Variants in SLC25A42 observed in about 807,000 individuals in gnomAD.
SLC25A42 encodes solute carrier family 25 member 42, also known as mitochondrial coenzyme A transporter SLC25A42.
A neutral mutation model predicts 34.7 loss-of-function variants in SLC25A42; 19 were observed. The observed-to-expected ratio is 0.55, with a 90% confidence interval of 0.38 to 0.80. The LOEUF is 0.80. SLC25A42 is among the 30% of genes least tolerant of loss of function. The pLI is 0.00. For missense variants in SLC25A42, 364 were observed against 441.3 expected (o/e 0.82, Z 1.57); for synonymous variants, 205 against 191.2 (o/e 1.07, Z -0.59).
intron 2 of SLC25A42, 41 bp downstream of exon 2, chr19:19,096,246 C>A (rs1181477831): frequency 6.6e-7 from 1 of 1,514,020 alleles, no homozygotes; most frequent in Non-Finnish European, 9.1e-7. Flanking sequence ...TCTCCTGGGG[C>A]CCCAGCCTCC....
At chr19:19,077,390 C>T (rs967691723) in intron 1 of SLC25A42, among the ~76,000 whole-genome samples, 1 of 152,192 alleles carries the variant, frequency 6.6e-6, no homozygotes, top group Non-Finnish European at 1.5e-5. Flanking sequence ...CCCCTGGCAC[C>T]TGCCATTCTA....
At position 19,101,667 on chromosome 19, in the gene SLC25A42, G is replaced by C. The variant is rs555989712; in HGVS notation, c.82-114G>C. 1.2e-4 allele frequency: 102 copies of C among 860,308 alleles called. No homozygotes were observed. The South Asian group carries it at 1.6e-3, about 13-fold the overall frequency. The allele number at this position is 860,308 out of a possible 1,614,324, so 53.3% of individuals were successfully genotyped here. ...CAAGCAAGGCCAACATACTCAGGGTGGGGTACATCCCTCGGCCCCGGCCCA... is the reference window on the plus strand; with the variant it reads ...CAAGCAAGGCCAACATACTCAGGGTCGGGTACATCCCTCGGCCCCGGCCCA... On this transcript the variant is annotated intron_variant, in intron 2 of 7. Transcript: ENST00000318596.
intron 1 of SLC25A42, 125 bp from the exon 2 acceptor site, chr19:19,095,966 G>A (rs182589611): frequency 2.5e-4 from 182 of 718,010 alleles, no homozygotes; most frequent in African/African-American, 1.4e-3. Context: ...CCGTGGCTGC[G>A]GAATGCAGTT....
At chr19:19,067,953 G>A (rs2059610695) in intron 1 of SLC25A42, among the ~76,000 whole-genome samples, 2 of 152,162 alleles carry the variant, frequency 1.3e-5, no homozygotes, top group African/African-American at 4.8e-5. Flanking sequence ...TAGACATTAA[G>A]AGGGGATTAT....
intron 2 of SLC25A42, among the ~76,000 whole-genome samples, chr19:19,097,440 G>A (rs961658608): frequency 2.6e-5 from 4 of 152,204 alleles, no homozygotes; most frequent in Non-Finnish European, 5.9e-5. Context: ...TCTGCATGCC[G>A]GAGAGGAGGG....
intron 2 of SLC25A42, among the ~76,000 whole-genome samples, chr19:19,100,242 TGAG>T (rs1460577843): frequency 6.6e-6 from 1 of 152,008 alleles, no homozygotes; most frequent in African/African-American, 2.4e-5. Flanking sequence ...CTCAGGAGGC[TGAG>T]GGAGGAGAAT....
chr19:19,095,588 G>A (rs1419046710), intron 1 of SLC25A42, among the ~76,000 whole-genome samples: 3 of 152,212 alleles, frequency 2.0e-5, no homozygotes, highest in African/African-American at 7.2e-5. Context: ...ACTCCAGCCT[G>A]GGTGACAGAG....
rs1051491688 is a variant in SLC25A42 at position 19,081,094 on chromosome 19, T to A, written c.-34-14997T>A. ...TTGTGCCACTACACTCCTACCTGGG[T>A]GACAGAGTGAGACCCTGAAAAAATA... On this transcript the variant is annotated intron_variant, in intron 1 of 7. Coordinates refer to ENST00000318596, the MANE Select transcript of SLC25A42 (RefSeq NM_178526.5). This position sits in a 1 kb window ranked among gnomAD's most constrained non-coding sequence, Gnocchi z 4.5. Among the ~76,000 whole-genome samples the A allele has an allele frequency of 4.0e-5, 6 of 149,986 alleles. No homozygotes were observed. The highest frequency in any genetic ancestry group is 8.9e-5 in the Non-Finnish European group (6 of 67,652).
chr19:19,074,742 T>C (rs1238272688), intron 1 of SLC25A42, among the ~76,000 whole-genome samples: 1 of 151,998 alleles, frequency 6.6e-6, no homozygotes, highest in African/African-American at 2.4e-5. Flanking sequence ...TGTGTGAGTG[T>C]ATGTGTGAGC....
intron 1 of SLC25A42, among the ~76,000 whole-genome samples, chr19:19,087,213 GTCTT>G (rs2059712611): frequency 6.6e-6 from 1 of 151,780 alleles, no homozygotes; most frequent in Non-Finnish European, 1.5e-5. Context: ...TGCAGCATCT[GTCTT>G]TCTGTGCCTG....
In SLC25A42 at chr19:19,105,727, AGT is replaced by A; in HGVS notation, c.380+2_380+3del. ...GGCAGCTACTATGGCTTCCGTGGAGAGTGAGGCCCCGCCCCGCCCTGCCACAG... is the reference window on the plus strand; with the variant it reads ...GGCAGCTACTATGGCTTCCGTGGAGAGAGGCCCCGCCCCGCCCTGCCACAG... On this transcript the variant is annotated splice_donor_variant, in intron 5 of 7. Coordinates refer to ENST00000318596, the MANE Select transcript of SLC25A42 (RefSeq NM_178526.5). LOFTEE classifies it high-confidence loss of function. 6.4e-7 allele frequency: 1 copy of A among 1,559,290 alleles called. No individual in the cohort carries two copies. Among genetic ancestry groups the A allele is most frequent in the Non-Finnish European group, 8.7e-7 (1 of 1,148,372 alleles).
intron 1 of SLC25A42, among the ~76,000 whole-genome samples, chr19:19,066,612 C>A (rs1187451311): frequency 6.6e-6 from 1 of 151,984 alleles, no homozygotes; most frequent in Admixed American, 6.6e-5. Context: ...CTACACCCGG[C>A]TAATTTTTTC....
Position 19,102,266 on chromosome 19 carries a change from C to T in SLC25A42, c.187+380C>T, listed in dbSNP as rs377588260. On this transcript the variant is annotated intron_variant, in intron 3 of 7. Coordinates refer to ENST00000318596, the MANE Select transcript of SLC25A42 (RefSeq NM_178526.5). Reference sequence around the variant, plus strand: ...CCTCGTAATCCGCCCGCCTCGGCCTCCCAAAGTGCTGGGATTACAGACTTG... The same window carrying T: ...CCTCGTAATCCGCCCGCCTCGGCCTTCCAAAGTGCTGGGATTACAGACTTG... Among the ~76,000 whole-genome samples the T allele has an allele frequency of 9.9e-5, 15 of 152,010 alleles. No homozygotes were observed. The East Asian group carries it at 2.9e-3, about 30-fold the overall frequency.
intron 1 of SLC25A42, among the ~76,000 whole-genome samples, chr19:19,076,337 G>T (rs2059656084): frequency 6.6e-6 from 1 of 152,082 alleles, no homozygotes; most frequent in Non-Finnish European, 1.5e-5. Context: ...AGACCTGGTG[G>T]TGTGTGTCTG....
chr19:19,077,533 C>T (rs1002445674), intron 1 of SLC25A42, among the ~76,000 whole-genome samples: 1 of 152,134 alleles, frequency 6.6e-6, no homozygotes, highest in Non-Finnish European at 1.5e-5. Context: ...CAGCAGTTAT[C>T]GACATTTGGA....
intron 1 of SLC25A42, among the ~76,000 whole-genome samples, chr19:19,074,823 T>A (rs549600897): frequency 2.6e-5 from 4 of 152,098 alleles, no homozygotes; most frequent in African/African-American, 9.6e-5. Context: ...GCTTATAGGA[T>A]GCTTGGGTTT....
intron 1 of SLC25A42, among the ~76,000 whole-genome samples, chr19:19,069,109 A>G (rs2059616938): frequency 6.6e-6 from 1 of 152,170 alleles, no homozygotes; most frequent in South Asian, 2.1e-4. Flanking sequence ...CAACTCAGGA[A>G]GTAGAACGAT....
intron 1 of SLC25A42, among the ~76,000 whole-genome samples, chr19:19,085,442 C>T (rs1487067947): frequency 6.6e-6 from 1 of 151,804 alleles, no homozygotes; most frequent in Non-Finnish European, 1.5e-5. Context: ...AGTGCAGTGC[C>T]GCGATCTCAG....
In SLC25A42 at chr19:19,073,361, C is replaced by T. The variant is rs2059639988; in HGVS notation, c.-35+9246C>T. ...CTCAAGTGCAGCAGAGAACCACAGA[C>T]TGCTCAGTGCAGGGCAGAGCAGTTA... On this transcript the variant is annotated intron_variant, in intron 1 of 7. Coordinates refer to ENST00000318596, the MANE Select transcript of SLC25A42 (RefSeq NM_178526.5). 1.1e-4 allele frequency among the ~76,000 whole-genome samples: 17 copies of T among 152,346 alleles called. No homozygotes were observed. The South Asian group carries it at 3.5e-3, about 32-fold the overall frequency.
Sources: gnomAD v4.1 joint callset for allele counts (sites outside exome capture counted in the v4.1 genomes callset) on GRCh38, gnomAD v4.1.1 for gene constraint, Gnocchi (gnomAD v3.1) non-coding constraint, MANE v1.5 for transcripts, NCBI Gene and HGNC (gene_info 2026-07-23, HGNC 2026-07-21) for gene names.